The following PRR16 variants were observed in gnomAD, a reference collection of about 807,000 sequenced individuals.
PRR16 encodes the protein proline rich 16.
In PRR16, 6 loss-of-function variants were observed where a neutral mutation model predicts 18.2. The observed-to-expected ratio is 0.33, with a 90% CI of 0.18 to 0.65. The LOEUF (loss-of-function observed/expected upper bound fraction) is 0.65. Ranked by LOEUF, PRR16 falls within the 30% of genes least tolerant of loss-of-function variation. The pLI is 0.74. For synonymous variants in PRR16, 151 were observed against 147.8 expected (o/e 1.02, Z -0.16); for missense variants, 412 against 376.6 (o/e 1.09, Z -0.78).
rs764499738 is a variant in PRR16 at position 120,686,352 on chromosome 5, T to G, written c.558T>G (p.Leu186=). 1 of 1,614,148 alleles carries G rather than the reference T, an allele frequency of 6.2e-7. No individual in the cohort carries two copies. The highest frequency in any genetic ancestry group is 1.1e-5 in the South Asian group (1 of 91,086). The change falls in exon 2 of 2, where the codon CTT becomes CTG. Residue 186 remains leucine, a synonymous_variant. Coordinates refer to ENST00000407149, the MANE Select transcript of PRR16 (RefSeq NM_001300783.2). ...ACTTGGACAAGGCTCCAGTCCAGCT[T>G]CTGATGCATAGACCTGAAAAAGACA... is the stretch of plus-strand genomic sequence containing the variant. ...NSNLDKAPVQ[L]LMHRPEKDRC...
At chr5:120,700,732 A>G in the PRR16 span, among the ~76,000 whole-genome samples, 1 of 151,970 alleles carries the variant, frequency 6.6e-6, no homozygotes, top group Non-Finnish European at 1.5e-5. Flanking sequence ...AGTAATGTGG[A>G]GTGGGTAGCC....
chr5:120,747,180 C>A, the PRR16 span, among the ~76,000 whole-genome samples: 2 of 152,046 alleles, frequency 1.3e-5, no homozygotes, highest in African/African-American at 4.8e-5. Flanking sequence ...ATACAAGACC[C>A]CAAAGGACAT....
At chr5:120,790,024 T>C in the PRR16 span, 1 of 152,258 alleles carries the variant, frequency 6.6e-6, no homozygotes, top group South Asian at 2.1e-4. Flanking sequence ...GATTCATCTT[T>C]ATGACTTCCT....
chr5:120,784,107 G>A, the PRR16 span, among the ~76,000 whole-genome samples: 1 of 152,068 alleles, frequency 6.6e-6, no homozygotes, highest in African/African-American at 2.4e-5. Context: ...CCATTCATTG[G>A]TTGATGGACA....
intron 1 of PRR16, among the ~76,000 whole-genome samples, chr5:120,639,691 G>C (rs1357271539): frequency 4.0e-5 from 6 of 151,808 alleles, no homozygotes; most frequent in Admixed American, 4.0e-4. Flanking sequence ...CACTGTTGAT[G>C]GGAATTATAC....
chr5:120,767,271 T>C, the PRR16 span, among the ~76,000 whole-genome samples: 1 of 151,972 alleles, frequency 6.6e-6, no homozygotes. Flanking sequence ...ATTGCAGGAT[T>C]TTAGGACATT....
chr5:120,512,784 G>A (rs1750870681), intron 1 of PRR16, among the ~76,000 whole-genome samples: 1 of 152,122 alleles, frequency 6.6e-6, no homozygotes, highest in South Asian at 2.1e-4. Context: ...GGAGACCAAA[G>A]TGAGAGTATA....
At chr5:120,485,714 A>G (rs1394146889) in intron 1 of PRR16, among the ~76,000 whole-genome samples, 1 of 152,032 alleles carries the variant, frequency 6.6e-6, no homozygotes, top group Non-Finnish European at 1.5e-5. Flanking sequence ...TTAGTTACAT[A>G]TGTATACCTG....
the PRR16 span, among the ~76,000 whole-genome samples, chr5:120,711,999 G>T: frequency 6.6e-6 from 1 of 152,054 alleles, no homozygotes; most frequent in Admixed American, 6.6e-5. Context: ...TTGACCACCT[G>T]TGTGTCATAT....
At chr5:120,497,735 A>G (rs1750304538) in intron 1 of PRR16, among the ~76,000 whole-genome samples, 1 of 151,884 alleles carries the variant, frequency 6.6e-6, no homozygotes, top group African/African-American at 2.4e-5. Flanking sequence ...TCAGAAATGA[A>G]CATCATATAA....
chr5:120,665,833 C>G (rs1756354389), intron 1 of PRR16, among the ~76,000 whole-genome samples: 1 of 151,974 alleles, frequency 6.6e-6, no homozygotes, highest in Non-Finnish European at 1.5e-5. Context: ...GTTTTGGTAC[C>G]AGTACCATGC....
the PRR16 span, among the ~76,000 whole-genome samples, chr5:120,787,940 T>C: frequency 6.6e-6 from 1 of 152,044 alleles, no homozygotes; most frequent in Admixed American, 6.6e-5. Flanking sequence ...TATAATTTTA[T>C]GCTATGCAAT....
At chr5:120,750,085 C>T in the PRR16 span, among the ~76,000 whole-genome samples, 1 of 152,094 alleles carries the variant, frequency 6.6e-6, no homozygotes, top group South Asian at 2.1e-4. Context: ...AAATTGGGTA[C>T]CTTTACGTAG....
chr5:120,670,303 T>C (rs921981474), intron 1 of PRR16, among the ~76,000 whole-genome samples: 1 of 152,144 alleles, frequency 6.6e-6, no homozygotes, highest in Non-Finnish European at 1.5e-5. Context: ...CACTAAATTC[T>C]CTGTTTTCAT....
At chr5:120,770,636 T>C in the PRR16 span, among the ~76,000 whole-genome samples, 1 of 151,862 alleles carries the variant, frequency 6.6e-6, no homozygotes, top group Admixed American at 6.6e-5. Flanking sequence ...AAAAAGACAA[T>C]CTAAAGAATG....
chr5:120,522,869 G>A (rs376738586), intron 1 of PRR16, among the ~76,000 whole-genome samples: 42 of 152,118 alleles, frequency 2.8e-4, no homozygotes, highest in African/African-American at 1.0e-3. Flanking sequence ...ACCTGCCTCG[G>A]CCTCCCAAAA....
chr5:120,593,166 G>C (rs1753692402), intron 1 of PRR16, among the ~76,000 whole-genome samples: 1 of 151,754 alleles, frequency 6.6e-6, no homozygotes, highest in Non-Finnish European at 1.5e-5. Flanking sequence ...ATGAAAATAA[G>C]AGCTGAACTG....
chr5:120,754,286 A>AT, the PRR16 span, among the ~76,000 whole-genome samples: 1 of 20,772 alleles, frequency 4.8e-5, no homozygotes, highest in South Asian at 1.4e-3. Context: ...ATATATAAAT[A>AT]TATAATATAT....
the PRR16 span, among the ~76,000 whole-genome samples, chr5:120,787,661 T>C: frequency 6.6e-6 from 1 of 152,148 alleles, no homozygotes. Flanking sequence ...AATGGGTTAG[T>C]TTGCTCACTT....
Sources: allele counts gnomAD v4.1 joint callset (sites outside exome capture counted in the v4.1 genomes callset), GRCh38; gene constraint gnomAD v4.1.1; transcripts MANE v1.5; gene names NCBI Gene and HGNC (gene_info 2026-07-23, HGNC 2026-07-21).